MCF2L2: variants seen among roughly 807,000 people sequenced by gnomAD.
MCF2L2 encodes MCF.2 cell line derived transforming sequence-like 2.
In MCF2L2, 102 loss-of-function variants were observed where a neutral mutation model predicts 150.2. The ratio of observed to expected loss-of-function variants is 0.68; its 90% CI spans 0.58 to 0.80. The LOEUF is 0.80. MCF2L2 is among the 30% of genes least tolerant of loss of function. The probability of loss-of-function intolerance (pLI) is 0.00; values close to 1 mark genes in which losing one functional copy is unlikely to be tolerated. For synonymous variants in MCF2L2, 465 were observed against 491.3 expected, an observed-to-expected ratio of 0.95 and a Z score of 0.71; for missense variants, 1,256 against 1,372.8, an observed-to-expected ratio of 0.91 and a Z score of 1.34.
chr3:183,300,739 G>A (rs1728798442), intron 10 of MCF2L2, among the ~76,000 whole-genome samples: 1 of 152,068 alleles, frequency 6.6e-6, no homozygotes, highest in Non-Finnish European at 1.5e-5. Flanking sequence ...TGTCTAGGCT[G>A]GGCGTGGTGG....
chr3:183,346,926 A>T (rs1414353019), intron 3 of MCF2L2, among the ~76,000 whole-genome samples: 1 of 152,178 alleles, frequency 6.6e-6, no homozygotes, highest in African/African-American at 2.4e-5. Flanking sequence ...ACAAATGGAA[A>T]AACATTCCAT....
intron 7 of MCF2L2, 30 bp from the exon 8 acceptor site, chr3:183,311,802 C>T (rs369886603): frequency 5.4e-5 from 87 of 1,597,960 alleles, no homozygotes; most frequent in African/African-American, 1.5e-4. Context: ...TCTCTTAGAA[C>T]GAATTAGAAA....
At chr3:183,304,694 G>C (rs1391963544) in intron 10 of MCF2L2, among the ~76,000 whole-genome samples, 1 of 150,434 alleles carries the variant, frequency 6.6e-6, no homozygotes, top group Non-Finnish European at 1.5e-5. Flanking sequence ...GGCTGGTCTC[G>C]AACTCCTGAG....
chr3:183,340,695 C>A (rs2108540702), intron 4 of MCF2L2, among the ~76,000 whole-genome samples: 1 of 152,282 alleles, frequency 6.6e-6, no homozygotes, highest in Middle Eastern at 3.4e-3. Flanking sequence ...GTAATCCCAA[C>A]ACTTTGGGAG....
rs544300193 is a variant in MCF2L2, at chr3:183,267,154, A to T, written c.1862+9718T>A. Among the ~76,000 whole-genome samples, 42 of 152,266 alleles carry T rather than the reference A, an allele frequency of 2.8e-4. No individual in the cohort carries two copies. Among genetic ancestry groups the T allele is most frequent in the Admixed American group, 1.8e-3 (27 of 15,300 alleles). ...ACACCCCTGAACACACACACACAGA[A>T]AACCCAAAAGTTTCACAAAATGATT... On this transcript the variant is annotated intron_variant, in intron 15 of 29. Coordinates refer to ENST00000328913, the MANE Select transcript of MCF2L2 (RefSeq NM_015078.4). The surrounding 1 kb of genome is among the most constrained non-coding windows in gnomAD (Gnocchi z 5.5).
chr3:183,395,275 G>A (rs556785752), intron 1 of MCF2L2, among the ~76,000 whole-genome samples: 1 of 152,058 alleles, frequency 6.6e-6, no homozygotes, highest in Non-Finnish European at 1.5e-5. Flanking sequence ...CACATTCACC[G>A]AAAAAGATTT....
intron 13 of MCF2L2, among the ~76,000 whole-genome samples, chr3:183,290,559 G>A (rs1728080228): frequency 6.6e-6 from 1 of 151,294 alleles, no homozygotes; most frequent in South Asian, 2.1e-4. Context: ...TTTTGAGACA[G>A]AGTCTCGCTC....
chr3:183,400,579 C>T (rs1056913732), intron 1 of MCF2L2: 30 of 410,756 alleles, frequency 7.3e-5, no homozygotes, highest in African/African-American at 4.9e-4. Flanking sequence ...TCCTTTCTCC[C>T]GGTTAATCTC....
At chr3:183,364,051 CAAAG>C (rs1013788450) in intron 3 of MCF2L2, among the ~76,000 whole-genome samples, 2 of 152,002 alleles carry the variant, frequency 1.3e-5, no homozygotes, top group Admixed American at 6.6e-5. Context: ...AATGTAATGA[CAAAG>C]AAAACACTAC....
intron 20 of MCF2L2, among the ~76,000 whole-genome samples, chr3:183,221,051 CAT>C (rs1723130715): frequency 6.6e-6 from 1 of 152,204 alleles, no homozygotes; most frequent in Non-Finnish European, 1.5e-5. Flanking sequence ...CAAGCCAGCA[CAT>C]GTGTGCGAGA....
chr3:183,423,024 C>T (rs1268806245), intron 1 of MCF2L2, among the ~76,000 whole-genome samples: 3 of 152,066 alleles, frequency 2.0e-5, no homozygotes, highest in South Asian at 2.1e-4. Flanking sequence ...TTAAATTTGT[C>T]GATCAATTTT....
intron 15 of MCF2L2, among the ~76,000 whole-genome samples, chr3:183,274,934 A>C (rs1727071813): frequency 2.0e-5 from 3 of 151,742 alleles, no homozygotes; most frequent in Non-Finnish European, 4.4e-5. Context: ...CGCCCTACGT[A>C]AACTTTTCCT....
chr3:183,234,583 A>G (rs1723718417), intron 15 of MCF2L2, among the ~76,000 whole-genome samples: 1 of 151,794 alleles, frequency 6.6e-6, no homozygotes, highest in Non-Finnish European at 1.5e-5. Flanking sequence ...AAATTAATAT[A>G]TGACTTAAAA....
At chr3:183,377,972 C>A (rs994220235) in intron 3 of MCF2L2, 1 of 152,050 alleles carries the variant, frequency 6.6e-6, no homozygotes, top group Non-Finnish European at 1.5e-5. Context: ...TGAAGAAATG[C>A]ATTCAAAATA....
chr3:183,296,842 G>A, intron 12 of MCF2L2, 134 bp downstream of exon 12: 1 of 929,692 alleles, frequency 1.1e-6, no homozygotes, highest in Non-Finnish European at 1.6e-6. Flanking sequence ...GCCGCCGGAG[G>A]GCTTCGGAAC....
At chr3:183,220,927 C>T (rs1723126810) in intron 20 of MCF2L2, among the ~76,000 whole-genome samples, 1 of 152,152 alleles carries the variant, frequency 6.6e-6, no homozygotes, top group African/African-American at 2.4e-5. Flanking sequence ...ACATTTTCCC[C>T]AATGTTTCAT....
At chr3:183,192,176 T>C (rs1302126281) in intron 27 of MCF2L2, among the ~76,000 whole-genome samples, 1 of 151,446 alleles carries the variant, frequency 6.6e-6, no homozygotes, top group Non-Finnish European at 1.5e-5. Context: ...AGTCTCACTC[T>C]GTCGGCCAGG....
chr3:183,247,173 G>T (rs1724296012), intron 15 of MCF2L2, among the ~76,000 whole-genome samples: 1 of 152,228 alleles, frequency 6.6e-6, no homozygotes, highest in Non-Finnish European at 1.5e-5. Context: ...TGACTTGGCT[G>T]AGGTCAAACT....
At chr3:183,199,470 T>C (rs766258926) in intron 25 of MCF2L2, among the ~76,000 whole-genome samples, 1 of 152,118 alleles carries the variant, frequency 6.6e-6, no homozygotes, top group Non-Finnish European at 1.5e-5. Context: ...TAAAGATGAT[T>C]TGTAATTGTT....
Sources: gnomAD v4.1 joint callset for allele counts (sites outside exome capture counted in the v4.1 genomes callset) on GRCh38, gnomAD v4.1.1 for gene constraint, Gnocchi (gnomAD v3.1) non-coding constraint, MANE v1.5 for transcripts, NCBI Gene and HGNC (gene_info 2026-07-23, HGNC 2026-07-21) for gene names.